RAP1A: variants seen among roughly 807,000 people sequenced by gnomAD.
The protein encoded by RAP1A is ras-related protein Rap-1A.
In RAP1A, 6 loss-of-function variants were observed where a neutral mutation model predicts 26.4. That is an observed-to-expected ratio of 0.23 (90% CI 0.12 to 0.45). RAP1A has a LOEUF of 0.45. Ranked by LOEUF, RAP1A falls within the 20% of genes least tolerant of loss-of-function variation. The pLI is 0.99. For synonymous variants in RAP1A, 73 were observed against 79.4 expected, an observed-to-expected ratio of 0.92 and a Z score of 0.43; for missense variants, 121 against 217.2, an observed-to-expected ratio of 0.56 and a Z score of 2.78.
At chr1:111,676,465 G>C (rs1661128345) in intron 1 of RAP1A, among the ~76,000 whole-genome samples, 1 of 151,316 alleles carries the variant, frequency 6.6e-6, no homozygotes, top group South Asian at 2.1e-4. Context: ...GTGAGATTTG[G>C]GTGGGGACAC....
rs531836354 is a variant in RAP1A, at chr1:111,682,686, T to TA, written c.-27-8647dup. Among the ~76,000 whole-genome samples, 27 of 152,230 alleles carry TA rather than the reference T, an allele frequency of 1.8e-4. No homozygotes were observed. The East Asian group carries it at 4.6e-3, about 26-fold the overall frequency. On this transcript the variant is annotated intron_variant, in intron 1 of 7. Transcript: ENST00000369709. The stretch of plus-strand genomic sequence containing the variant: ...TACCCAGATTCATAAAGCAAGTTCT[T>TA]AGAGACCTGCAAAGAGACTTAGACT...
At chr1:111,615,911 G>A (rs114312463), upstream of RAP1A, among the ~76,000 whole-genome samples, 431 of 152,000 alleles carry the variant, frequency 2.8e-3, 1 homozygote, top group African/African-American at 9.9e-3. Context: ...TGTAACTCCT[G>A]TTTTGGACTA....
At chr1:111,554,338 A>C (rs901387962) in intron 1 of RAP1A, among the ~76,000 whole-genome samples, 3 of 152,248 alleles carry the variant, frequency 2.0e-5, no homozygotes, top group Non-Finnish European at 4.4e-5. Context: ...AACCTACCAG[A>C]TAAAAAATTA....
intron 3 of RAP1A, among the ~76,000 whole-genome samples, chr1:111,697,012 G>A (rs1661853070): frequency 1.3e-5 from 2 of 152,244 alleles, no homozygotes; most frequent in South Asian, 4.1e-4. Flanking sequence ...AAGTTGGCAA[G>A]ATTTTCTTTA....
intron 1 of RAP1A, among the ~76,000 whole-genome samples, chr1:111,627,198 GA>G (rs1367986441): frequency 1.3e-5 from 2 of 151,950 alleles, no homozygotes; most frequent in Non-Finnish European, 2.9e-5. Flanking sequence ...CTATCATCCA[GA>G]AAAAATTACT....
Position 111,648,629 on chromosome 1 carries a change from G to A in RAP1A, c.-28+28695G>A, listed in dbSNP as rs556948117. 40 of 521,638 alleles carry A rather than the reference G, an allele frequency of 7.7e-5. 1 individual carries two copies. In the East Asian group the frequency reaches 1.7e-3, roughly 22 times the overall value. The allele number at this position is 521,638 out of a possible 1,614,324, so 32.3% of individuals were successfully genotyped here. On this transcript the variant is annotated intron_variant, in intron 1 of 7. Coordinates refer to ENST00000369709, the MANE Select transcript of RAP1A (RefSeq NM_002884.4). ...CCTCCCTCAGTCTGTTCTACAAACTGGCCTTCACATTTCTCACTGAGTCCA... is the reference window on the plus strand; with the variant it reads ...CCTCCCTCAGTCTGTTCTACAAACTAGCCTTCACATTTCTCACTGAGTCCA...
At chr1:111,655,798 C>T (rs1660438763) in intron 1 of RAP1A, among the ~76,000 whole-genome samples, 1 of 151,706 alleles carries the variant, frequency 6.6e-6, no homozygotes, top group African/African-American at 2.4e-5. Context: ...CTCAGCCTCC[C>T]GAGTAGCTGG....
At chr1:111,611,286 C>G (rs1313271393) in intron 1 of RAP1A, among the ~76,000 whole-genome samples, 1 of 152,134 alleles carries the variant, frequency 6.6e-6, no homozygotes, top group Non-Finnish European at 1.5e-5. Flanking sequence ...AAATTGGGTT[C>G]AAGTATCAGG....
chr1:111,575,791 C>G (rs1047939059), intron 1 of RAP1A, among the ~76,000 whole-genome samples: 3 of 152,178 alleles, frequency 2.0e-5, no homozygotes, highest in Non-Finnish European at 4.4e-5. Flanking sequence ...AAATAAATTT[C>G]TGCTGTTTAA....
At chr1:111,628,542 G>A (rs1346638015) in intron 1 of RAP1A, among the ~76,000 whole-genome samples, 2 of 152,190 alleles carry the variant, frequency 1.3e-5, no homozygotes. Context: ...TTGGTATGTG[G>A]AAAATGACTT....
At chr1:111,592,072 T>C in intron 1 of RAP1A, among the ~76,000 whole-genome samples, 1 of 152,102 alleles carries the variant, frequency 6.6e-6, no homozygotes, top group Non-Finnish European at 1.5e-5. Flanking sequence ...AAAGAATACA[T>C]AATTAGAAAA....
chr1:111,645,708 G>T (rs1014250030), intron 1 of RAP1A, among the ~76,000 whole-genome samples: 1 of 152,190 alleles, frequency 6.6e-6, no homozygotes, highest in Non-Finnish European at 1.5e-5. Flanking sequence ...GCCAGGCACT[G>T]TTATCCCTGT....
At chr1:111,548,312 C>T (rs1657115257) in intron 1 of RAP1A, among the ~76,000 whole-genome samples, 1 of 152,192 alleles carries the variant, frequency 6.6e-6, no homozygotes, top group Non-Finnish European at 1.5e-5. Flanking sequence ...TGAGCCACTG[C>T]ACCTGGCATG....
At chr1:111,604,532 T>C (rs1658733980) in intron 1 of RAP1A, 2 of 152,234 alleles carry the variant, frequency 1.3e-5, no homozygotes, top group South Asian at 4.1e-4. Context: ...AAAAAAGTCA[T>C]CATTATCATC....
chr1:111,697,014 T>G (rs566214290), intron 3 of RAP1A, among the ~76,000 whole-genome samples: 1 of 152,340 alleles, frequency 6.6e-6, no homozygotes, highest in Admixed American at 6.5e-5. Flanking sequence ...GTTGGCAAGA[T>G]TTTCTTTACC....
intron 1 of RAP1A, among the ~76,000 whole-genome samples, chr1:111,652,849 A>G (rs193083187): frequency 8.5e-5 from 13 of 152,284 alleles, no homozygotes; most frequent in African/African-American, 3.1e-4. Context: ...AAGAGATGCA[A>G]TGAAAAAGAA....
intron 1 of RAP1A, among the ~76,000 whole-genome samples, chr1:111,661,265 G>T (rs1478408146): frequency 6.6e-6 from 1 of 152,156 alleles, no homozygotes; most frequent in East Asian, 1.9e-4. Flanking sequence ...AGGTCACTAA[G>T]TGATTAAATT....
At chr1:111,670,737 G>C (rs1660947238) in intron 1 of RAP1A, among the ~76,000 whole-genome samples, 1 of 152,180 alleles carries the variant, frequency 6.6e-6, no homozygotes, top group Admixed American at 6.5e-5. Flanking sequence ...AATGAAAAAG[G>C]AGATATAACT....
chr1:111,607,656 T>C (rs1658816661), intron 1 of RAP1A, among the ~76,000 whole-genome samples: 1 of 126,350 alleles, frequency 7.9e-6, no homozygotes, highest in African/African-American at 3.1e-5. Flanking sequence ...CCCCGCCACG[T>C]CCCTCCCGGA....
Sources: gnomAD v4.1 joint callset for allele counts (sites outside exome capture counted in the v4.1 genomes callset) on GRCh38, gnomAD v4.1.1 for gene constraint, MANE v1.5 for transcripts, NCBI Gene and HGNC (gene_info 2026-07-23, HGNC 2026-07-21) for gene names.